CDH7: variants seen among roughly 807,000 people sequenced by gnomAD.
The protein encoded by CDH7 is cadherin 7, also known as cadherin-7.
Under a neutral mutation model 71.8 loss-of-function variants are expected in CDH7, and 25 were observed. That is an observed-to-expected ratio of 0.35 (90% CI 0.25 to 0.49). CDH7 has a LOEUF of 0.49. Ranked by LOEUF, CDH7 falls within the 20% of genes least tolerant of loss-of-function variation. CDH7 has a pLI of 0.99. For missense variants in CDH7, 862 were observed against 974.6 expected (o/e 0.88, Z 1.54); for synonymous variants, 381 against 363.8 (o/e 1.05, Z -0.54).
rs752936317 is a variant in CDH7, at chr18:65,857,804, A to G, written c.1236-12A>G. The G allele has an allele frequency of 1.5e-5, 24 of 1,608,208 alleles. No homozygotes were observed. The highest frequency in any genetic ancestry group is 1.7e-4 in the Middle Eastern group (1 of 6,028). The stretch of plus-strand genomic sequence containing the variant: ...ATGTTGAAGGCTTTTCTTTTCTTCA[A>G]TGTTCAATTAGGTACTCAATTGACA... On this transcript the variant is annotated splice_polypyrimidine_tract_variant and intron_variant, in intron 7 of 11. Coordinates refer to ENST00000397968, the MANE Select transcript of CDH7 (RefSeq NM_004361.5).
chr18:65,836,401 G>A (rs1054885966), intron 6 of CDH7, among the ~76,000 whole-genome samples: 4 of 152,014 alleles, frequency 2.6e-5, no homozygotes, highest in Non-Finnish European at 4.4e-5. Context: ...AAAATAATAC[G>A]TGATGGCTGT....
rs748077529 is a variant in CDH7, at chr18:65,862,908, A to T, written c.1855A>T (p.Thr619Ser). ...GATAGCCATACTCGCCTGTGTCTTG[A>T]CATTATTGGGTAGGTACTGTTTCCA... is the stretch of plus-strand genomic sequence containing the variant. ...ALIAILACVL[T>S]LLVLILLIVT... Residue 619 changes from threonine (T) to serine (S), a missense_variant, in exon 11 of 12, where the codon ACA (threonine) becomes TCA (serine). Transcript: ENST00000397968. 6.2e-7 allele frequency: 1 copy of T among 1,614,134 alleles called. No homozygotes were observed. Among genetic ancestry groups the T allele is most frequent in the South Asian group, 1.1e-5 (1 of 91,072 alleles).
chr18:65,852,157 G>GA (rs113915478), intron 7 of CDH7, among the ~76,000 whole-genome samples: 21,022 of 151,330 alleles, frequency 0.14, 2,981 homozygotes, highest in African/African-American at 0.36. Flanking sequence ...GCAGAGGGGT[G>GA]AAAAAAAACA....
At chr18:65,818,824 G>T (rs1003565893) in intron 4 of CDH7, among the ~76,000 whole-genome samples, 4 of 151,994 alleles carry the variant, frequency 2.6e-5, no homozygotes, top group Admixed American at 2.6e-4. Context: ...CAAACTACAT[G>T]TATTTTAAAT....
chr18:65,802,454 G>T (rs897621484), intron 2 of CDH7, among the ~76,000 whole-genome samples: 35 of 152,066 alleles, frequency 2.3e-4, no homozygotes, highest in Admixed American at 1.3e-3. Flanking sequence ...ACCTCACTTT[G>T]AGTGGTGATA....
intron 2 of CDH7, among the ~76,000 whole-genome samples, chr18:65,766,709 A>AG (rs1267773493): frequency 2.0e-5 from 3 of 151,750 alleles, no homozygotes; most frequent in African/African-American, 7.3e-5. Flanking sequence ...GGGAGAAGGA[A>AG]GGGGGGAGGA....
chr18:65,871,720 A>C (rs1211319498), intron 11 of CDH7, among the ~76,000 whole-genome samples: 1 of 152,244 alleles, frequency 6.6e-6, no homozygotes, highest in Non-Finnish European at 1.5e-5. Context: ...TGTATGAGTG[A>C]GAGCCATTGG....
Position 65,819,626 on chromosome 18 carries a change from G to A in CDH7, c.626-2455G>A, listed in dbSNP as rs542208847. Among the ~76,000 whole-genome samples the A allele has an allele frequency of 2.9e-4, 44 of 152,248 alleles. 1 individual carries two copies. The South Asian group carries it at 5.8e-3, about 20-fold the overall frequency. On this transcript the variant is annotated intron_variant, in intron 4 of 11. Coordinates refer to ENST00000397968, the MANE Select transcript of CDH7 (RefSeq NM_004361.5). The stretch of plus-strand genomic sequence containing the variant: ...GGCTGTAATGGAGAGAGTGAGGATC[G>A]TGAAGGGCTTTGGGAGTTGGAAGTG...
At chr18:65,758,977 T>A (rs12963820) in intron 1 of CDH7, among the ~76,000 whole-genome samples, 58,590 of 151,960 alleles carry the variant, frequency 0.39, 12,248 homozygotes, top group African/African-American at 0.55. Flanking sequence ...AATGAGTTGC[T>A]CAATTATCAA....
intron 7 of CDH7, among the ~76,000 whole-genome samples, chr18:65,853,705 C>G (rs1251191020): frequency 1.3e-5 from 2 of 151,668 alleles, no homozygotes; most frequent in African/African-American, 2.4e-5. Flanking sequence ...CAAGTCAATA[C>G]CTTTCTGCAA....
intron 2 of CDH7, among the ~76,000 whole-genome samples, chr18:65,771,558 C>A (rs1444154178): frequency 6.6e-6 from 1 of 151,786 alleles, no homozygotes; most frequent in Non-Finnish European, 1.5e-5. Flanking sequence ...CTGTTGTAAT[C>A]CCAGCTACTT....
At chr18:65,860,940 G>T (rs934172840) in intron 10 of CDH7, among the ~76,000 whole-genome samples, 1 of 152,096 alleles carries the variant, frequency 6.6e-6, no homozygotes, top group Non-Finnish European at 1.5e-5. Flanking sequence ...TTCTCTACCT[G>T]GGTAACTCCA....
intron 11 of CDH7, among the ~76,000 whole-genome samples, chr18:65,875,306 A>G (rs774605188): frequency 8.5e-5 from 13 of 152,220 alleles, no homozygotes; most frequent in Non-Finnish European, 1.8e-4. Flanking sequence ...TTTCATGGTT[A>G]TCATCAAGTG....
intron 6 of CDH7, among the ~76,000 whole-genome samples, chr18:65,827,275 G>T (rs1318372555): frequency 1.3e-5 from 2 of 151,706 alleles, no homozygotes; most frequent in African/African-American, 2.4e-5. Context: ...TAACATCAAA[G>T]ATTATTTAGG....
chr18:65,859,173 C>T (rs1427235366), intron 9 of CDH7, 127 bp downstream of exon 9: 1 of 827,236 alleles, frequency 1.2e-6, no homozygotes, highest in African/African-American at 1.7e-5. Flanking sequence ...AAAACTAACA[C>T]TTTGATGTGT....
chr18:65,785,922 T>C (rs1910496204), intron 2 of CDH7, among the ~76,000 whole-genome samples: 1 of 152,206 alleles, frequency 6.6e-6, no homozygotes, highest in African/African-American at 2.4e-5. Context: ...CATATTATAC[T>C]AGGATACTGG....
intron 2 of CDH7, among the ~76,000 whole-genome samples, chr18:65,784,026 A>G (rs1332713277): frequency 6.7e-6 from 1 of 150,230 alleles, no homozygotes; most frequent in Non-Finnish European, 1.5e-5. Flanking sequence ...ATCTCGGCTC[A>G]CAACAACTTC....
intron 2 of CDH7, among the ~76,000 whole-genome samples, chr18:65,790,678 G>A (rs1279860020): frequency 6.6e-6 from 1 of 152,136 alleles, no homozygotes; most frequent in Non-Finnish European, 1.5e-5. Context: ...AGACCAGCCT[G>A]GCTAACATTG....
At position 65,781,811 on chromosome 18, in the gene CDH7, C is replaced by T. The variant is rs374646634; in HGVS notation, c.210+18759C>T. Among the ~76,000 whole-genome samples, 580 of 63,952 alleles carry T rather than the reference C, an allele frequency of 9.1e-3. 29 individuals are homozygous for T. Among genetic ancestry groups the T allele is most frequent in the African/African-American group, 0.029 (302 of 10,344 alleles). The allele number at this position is 63,952 out of a possible 152,430, so 42.0% of individuals were successfully genotyped here. A position where few individuals can be genotyped will look rare whatever the true frequency, so the allele number is the denominator to read the frequency against. On this transcript the variant is annotated intron_variant, in intron 2 of 11. Transcript: ENST00000397968. ...CCTTCCTTCCTTCCTTCCTTCCTTC[C>T]TTCCTTCCTTCTTTCTTTCTTTCTT... is the stretch of plus-strand genomic sequence containing the variant.
Sources: allele counts gnomAD v4.1 joint callset (sites outside exome capture counted in the v4.1 genomes callset), GRCh38; gene constraint gnomAD v4.1.1; transcripts MANE v1.5; gene names NCBI Gene and HGNC (gene_info 2026-07-23, HGNC 2026-07-21).